Variants in UIMC1 observed in about 807,000 individuals in gnomAD.
UIMC1 encodes the protein BRCA1-A complex subunit RAP80.
A neutral mutation model predicts 84.9 loss-of-function variants in UIMC1; 42 were observed. That is an observed-to-expected ratio of 0.49 (90% CI 0.39 to 0.64). The LOEUF (loss-of-function observed/expected upper bound fraction) is 0.64. Ranked by LOEUF, UIMC1 falls within the 30% of genes least tolerant of loss-of-function variation. The pLI is 0.00. For synonymous variants in UIMC1, 281 were observed against 293.0 expected, an observed-to-expected ratio of 0.96 and a Z score of 0.42; for missense variants, 825 against 847.6, an observed-to-expected ratio of 0.97 and a Z score of 0.33.
chr5:176,969,925 T>C (rs1768943800), intron 4 of UIMC1: 2 of 471,758 alleles, frequency 4.2e-6, no homozygotes, highest in Admixed American at 6.6e-5. Context: ...GGGAGGCAAA[T>C]GGCATAAAAA....
rs577766306 is a variant in UIMC1, at chr5:177,000,006, G to A, written c.-9+6644C>T. On this transcript the variant is annotated intron_variant, in intron 1 of 14. Transcript: ENST00000511320. Reference sequence around the variant, plus strand: ...TGGAGTCTCGCTCTGTCACCCAGGCGGGAGTGCAGTGGTGCCATCTCAGCT... The same window carrying A: ...TGGAGTCTCGCTCTGTCACCCAGGCAGGAGTGCAGTGGTGCCATCTCAGCT... Among the ~76,000 whole-genome samples, 353 of 152,126 alleles carry A rather than the reference G, an allele frequency of 2.3e-3. 2 individuals carry two copies. The Middle Eastern group carries it at 0.027, about 12-fold the overall frequency.
chr5:176,986,865 C>G (rs1160132978), intron 1 of UIMC1, among the ~76,000 whole-genome samples: 1 of 152,022 alleles, frequency 6.6e-6, no homozygotes, highest in East Asian at 1.9e-4. Context: ...AGAAGTAAAA[C>G]TATCACGATT....
chr5:176,969,524 G>GT (rs1443109720), intron 5 of UIMC1, 77 bp downstream of exon 5: 1 of 1,456,324 alleles, frequency 6.9e-7, no homozygotes, highest in South Asian at 1.2e-5. Context: ...GTATTTCCGT[G>GT]TATCTACTCT....
At chr5:176,976,705 A>G (rs1197471494) in intron 2 of UIMC1, among the ~76,000 whole-genome samples, 1 of 152,278 alleles carries the variant, frequency 6.6e-6, no homozygotes, top group Non-Finnish European at 1.5e-5. Flanking sequence ...AATTCCATTT[A>G]TAAGACATGC....
chr5:176,905,299 T>C lies in UIMC1; in HGVS notation c.2143A>G (p.Arg715Gly), dbSNP rs111704769. The change falls in exon 15 of 15, where the codon AGA becomes GGA. Residue 715 changes from arginine (R) to glycine (G), a missense_variant. Physicochemically the swap from Arg to Gly is moderately radical, Grantham distance 125. Coordinates refer to ENST00000511320, the MANE Select transcript of UIMC1 (RefSeq NM_001199298.2). ...SRTRTKAGRG[R>G]RRKF ...CTAGAAATTCAGAATTTTCTCCTTC[T>C]TCCTCTGCCAGCTTTGGTCCGTGTC... 1 of 1,614,010 alleles carries C rather than the reference T, an allele frequency of 6.2e-7. No individual in the cohort carries two copies. The highest frequency in any genetic ancestry group is 1.1e-5 in the South Asian group (1 of 91,080).
intron 1 of UIMC1, among the ~76,000 whole-genome samples, chr5:176,994,440 A>C (rs1178324228): frequency 6.6e-6 from 1 of 152,042 alleles, no homozygotes; most frequent in Non-Finnish European, 1.5e-5. Flanking sequence ...GCAGAATATA[A>C]TGAACCTCTC....
At chr5:176,964,604 T>C (rs1768011358) in intron 6 of UIMC1, among the ~76,000 whole-genome samples, 2 of 152,194 alleles carry the variant, frequency 1.3e-5, no homozygotes, top group South Asian at 2.1e-4. Context: ...AAGTGAAATA[T>C]ATAATTTAAC....
intron 2 of UIMC1, among the ~76,000 whole-genome samples, chr5:176,981,395 C>T (rs1053930274): frequency 2.0e-5 from 3 of 152,052 alleles, no homozygotes; most frequent in Admixed American, 6.6e-5. Flanking sequence ...CCACTCGCCT[C>T]GGCCTCCCAA....
Position 176,975,401 on chromosome 5 carries a change from A to G in UIMC1, c.227T>C (p.Ile76Thr). 1 of 1,613,710 alleles carries G rather than the reference A, an allele frequency of 6.2e-7. No homozygotes were observed. Among genetic ancestry groups the G allele is most frequent in the Middle Eastern group, 1.7e-4 (1 of 6,056 alleles). ...TCAACAAAATGAAAACATACGTGCG[A>G]TTTTTCTTTTGGCCAAACACTTTGC... is the stretch of plus-strand genomic sequence containing the variant. ...NRAKCLAKRK[I>T]AQMTEEEQFA... The change falls in exon 3 of 15, where the codon ATC becomes ACC. Residue 76 changes from isoleucine (I) to threonine (T), a missense_variant. Physicochemically the swap from Ile to Thr is moderately conservative, Grantham distance 89. Transcript: ENST00000511320.
intron 3 of UIMC1, among the ~76,000 whole-genome samples, chr5:176,971,529 T>TA (rs1304112260): frequency 6.6e-6 from 1 of 152,194 alleles, no homozygotes; most frequent in Non-Finnish European, 1.5e-5. Context: ...GCCAATTAAA[T>TA]AAAGTCCTCA....
chr5:176,979,090 T>G (rs1770598710), intron 2 of UIMC1, among the ~76,000 whole-genome samples: 1 of 152,098 alleles, frequency 6.6e-6, no homozygotes, highest in South Asian at 2.1e-4. Flanking sequence ...TGTGACAGAT[T>G]AACGGAAGAA....
rs76442320 is a variant in UIMC1, at chr5:176,979,602, C to CA, written c.147+2866dup. 7.9e-3 allele frequency among the ~76,000 whole-genome samples: 837 copies of CA among 106,028 alleles called. 9 individuals carry two copies. The highest frequency in any genetic ancestry group is 0.023 in the African/African-American group (635 of 28,176). 69.6% of individuals were successfully genotyped at this position (106,028 alleles called of 152,430 possible). A position where few individuals can be genotyped will look rare whatever the true frequency, so the allele number is the denominator to read the frequency against. On this transcript the variant is annotated intron_variant, in intron 2 of 14. Transcript: ENST00000511320. ...TAGGCAACAAAGCGAGACTTCATCT[C>CA]AAAAAAAAAAAAAGAAAGGTGGAAA...
chr5:177,003,914 G>T (rs983836919), intron 1 of UIMC1, among the ~76,000 whole-genome samples: 1 of 152,220 alleles, frequency 6.6e-6, no homozygotes, highest in South Asian at 2.1e-4. Flanking sequence ...CTGCAGCCTC[G>T]ACTTCCCAGG....
At chr5:176,952,162 T>C (rs1765968366) in intron 8 of UIMC1, among the ~76,000 whole-genome samples, 1 of 152,236 alleles carries the variant, frequency 6.6e-6, no homozygotes, top group Non-Finnish European at 1.5e-5. Context: ...TCAACTGGCT[T>C]ATTTCCACTG....
chr5:176,980,000 T>C, intron 2 of UIMC1: 1 of 152,140 alleles, frequency 6.6e-6, no homozygotes, highest in Non-Finnish European at 1.5e-5. Flanking sequence ...AATAAAAACA[T>C]AGGAAAGGCA....
intron 2 of UIMC1, among the ~76,000 whole-genome samples, chr5:176,979,789 C>T (rs1027065289): frequency 2.6e-5 from 4 of 152,054 alleles, no homozygotes; most frequent in Admixed American, 1.3e-4. Context: ...AGAAAGGTCT[C>T]CCGGAAATAC....
intron 11 of UIMC1, among the ~76,000 whole-genome samples, chr5:176,910,957 C>T (rs542917696): frequency 4.6e-4 from 70 of 151,974 alleles, no homozygotes; most frequent in African/African-American, 1.6e-3. Flanking sequence ...GGCGTGGTGG[C>T]GCATGCCTGT....
chr5:176,915,902 A>G (rs1760926538), intron 10 of UIMC1, among the ~76,000 whole-genome samples: 1 of 152,222 alleles, frequency 6.6e-6, no homozygotes, highest in Non-Finnish European at 1.5e-5. Flanking sequence ...CTGGAAAATA[A>G]GAAGCTAAAG....
chr5:177,001,775 T>TAA (rs1018686028), intron 1 of UIMC1, among the ~76,000 whole-genome samples: 5 of 124,358 alleles, frequency 4.0e-5, no homozygotes, highest in Non-Finnish European at 6.9e-5. Flanking sequence ...CCGGCTCTAC[T>TAA]AAAAAAAAAA....
Sources: gnomAD v4.1 joint callset for allele counts (sites outside exome capture counted in the v4.1 genomes callset) on GRCh38, gnomAD v4.1.1 for gene constraint, MANE v1.5 for transcripts, NCBI Gene and HGNC (gene_info 2026-07-23, HGNC 2026-07-21) for gene names.